Variants in SNAP47 observed in about 807,000 individuals in gnomAD.
SNAP47 encodes the protein synaptosome associated protein 47, also known as synaptosomal-associated protein 47.
A neutral mutation model predicts 31.4 loss-of-function variants in SNAP47; 20 were observed. That is an observed-to-expected ratio of 0.64 (90% confidence interval 0.45 to 0.93). The LOEUF (loss-of-function observed/expected upper bound fraction) is 0.93, where lower values mean the gene tolerates loss of function less well. Ranked by LOEUF, SNAP47 falls within the 40% of genes least tolerant of loss-of-function variation. The probability of loss-of-function intolerance (pLI) is 0.00; values close to 1 mark genes in which losing one functional copy is unlikely to be tolerated. For synonymous variants in SNAP47, 194 were observed against 213.4 expected (o/e 0.91, Z 0.79); for missense variants, 492 against 528.5 (o/e 0.93, Z 0.68).
chr1:227,756,559 C>T (rs1227891732), intron 2 of SNAP47, among the ~76,000 whole-genome samples: 1 of 152,254 alleles, frequency 6.6e-6, no homozygotes, highest in Non-Finnish European at 1.5e-5. Flanking sequence ...GCCTGTCCTT[C>T]TGCCTGCTCA....
At chr1:227,750,151 T>A (rs947009761) in intron 2 of SNAP47, among the ~76,000 whole-genome samples, 1 of 152,268 alleles carries the variant, frequency 6.6e-6, no homozygotes, top group African/African-American at 2.4e-5. Context: ...AGAGCTTTGC[T>A]GGCACAAGGC....
At chr1:227,778,789 G>A (rs1558219278) in intron 4 of SNAP47, among the ~76,000 whole-genome samples, 1 of 152,220 alleles carries the variant, frequency 6.6e-6, no homozygotes, top group Admixed American at 6.5e-5. Flanking sequence ...TCCTCCTGGA[G>A]CCACTGACCC....
At chr1:227,779,938 C>A (rs541370675) in intron 4 of SNAP47, among the ~76,000 whole-genome samples, 85 of 152,314 alleles carry the variant, frequency 5.6e-4, no homozygotes, top group African/African-American at 1.9e-3. Flanking sequence ...TCCCACACCC[C>A]CACGGTGCTG....
rs1231964095 is a variant in SNAP47 at position 227,762,933 on chromosome 1, G to T, written c.988+3448G>T. The stretch of plus-strand genomic sequence containing the variant: ...TCCCACACATCCTACCAAGGGACAT[G>T]CACAGTATTTTCTTTTTCTTTTTAT... On this transcript the variant is annotated intron_variant, in intron 3 of 4. Transcript: ENST00000617596. This position sits in a 1 kb window ranked among gnomAD's most constrained non-coding sequence, Gnocchi z 4.2. Among the ~76,000 whole-genome samples the T allele has an allele frequency of 2.0e-5, 3 of 152,158 alleles. No individual in the cohort carries two copies. Among genetic ancestry groups the T allele is most frequent in the Non-Finnish European group, 1.5e-5 (1 of 68,018 alleles).
chr1:227,732,805 G>A (rs543036374), upstream of SNAP47: 20 of 1,596,100 alleles, frequency 1.3e-5, no homozygotes, highest in South Asian at 9.0e-5. Flanking sequence ...GAAGCTGCGC[G>A]GTGACCAAGG....
At chr1:227,733,968 A>C (rs979882447), upstream of SNAP47, 3 of 1,613,728 alleles carry the variant, frequency 1.9e-6, no homozygotes, top group African/African-American at 4.0e-5. Context: ...GCATCCCAGA[A>C]CTCATTCAGC....
At chr1:227,754,521 T>C (rs148373604) in intron 2 of SNAP47, among the ~76,000 whole-genome samples, 61 of 152,230 alleles carry the variant, frequency 4.0e-4, no homozygotes, top group African/African-American at 1.5e-3. Context: ...CTCTTCCATA[T>C]CATTTAAAGG....
chr1:227,728,627 T>TC (rs1660454885), upstream of SNAP47: 1 of 89,450 alleles, frequency 1.1e-5, no homozygotes, highest in Admixed American at 1.4e-4. Flanking sequence ...ACAGGAAACC[T>TC]CCCACCTGGC....
intron 2 of SNAP47, among the ~76,000 whole-genome samples, chr1:227,752,835 G>A (rs1479521823): frequency 1.3e-5 from 2 of 151,638 alleles, no homozygotes; most frequent in Non-Finnish European, 3.0e-5. Context: ...AACCTGCAGA[G>A]TCTCAGATGG....
At chr1:227,740,880 G>T (rs531179259) in intron 1 of SNAP47, among the ~76,000 whole-genome samples, 1 of 152,100 alleles carries the variant, frequency 6.6e-6, no homozygotes, top group Non-Finnish European at 1.5e-5. Flanking sequence ...CAGGTGATAG[G>T]GGAGGAGCTG....
upstream of SNAP47, chr1:227,733,643 C>T: frequency 6.2e-7 from 1 of 1,604,162 alleles, no homozygotes; most frequent in Non-Finnish European, 8.5e-7. Flanking sequence ...ATTGACAGAC[C>T]AGCTGAAGGA....
chr1:227,757,096 C>T (rs185275956), intron 2 of SNAP47, among the ~76,000 whole-genome samples: 270 of 152,358 alleles, frequency 1.8e-3, no homozygotes, highest in Non-Finnish European at 2.9e-3. Context: ...CAGGGGCCAT[C>T]CCATTCTCAC....
intron 1 of SNAP47, among the ~76,000 whole-genome samples, chr1:227,737,837 C>T (rs1661325688): frequency 6.6e-6 from 1 of 151,636 alleles, no homozygotes; most frequent in Non-Finnish European, 1.5e-5. Context: ...TCAGTGCGTG[C>T]TATGGTCCCT....
At chr1:227,760,840 A>G (rs1663012577) in intron 3 of SNAP47, among the ~76,000 whole-genome samples, 1 of 152,222 alleles carries the variant, frequency 6.6e-6, no homozygotes. Flanking sequence ...GGCTGGCTTT[A>G]GAGGCTATAG....
chr1:227,773,739 G>A (rs1410467659), intron 4 of SNAP47, among the ~76,000 whole-genome samples: 1 of 152,216 alleles, frequency 6.6e-6, no homozygotes, highest in African/African-American at 2.4e-5. Context: ...TGGTGCTGTG[G>A]TGTGCCATGC....
intron 4 of SNAP47, among the ~76,000 whole-genome samples, chr1:227,775,425 A>G (rs1385942359): frequency 6.6e-6 from 1 of 152,048 alleles, no homozygotes; most frequent in Non-Finnish European, 1.5e-5. Context: ...AGCTAACAGC[A>G]GACTGCTCTC....
rs112212502 is a variant in SNAP47, at chr1:227,767,665, T to G, written c.1113+582T>G. Among the ~76,000 whole-genome samples the G allele has an allele frequency of 7.0e-3, 1,027 of 147,120 alleles. 2 individuals are homozygous for G. The highest frequency in any genetic ancestry group is 0.01 in the Non-Finnish European group (677 of 66,452). On this transcript the variant is annotated intron_variant, in intron 4 of 4. Transcript: ENST00000617596. The stretch of plus-strand genomic sequence containing the variant: ...ATGTGTACCTTGTGTGTACTGTGCA[T>G]GGGCATGTGTATATGTGCATGTCTT...
chr1:227,752,316 T>C (rs919100758), intron 2 of SNAP47, among the ~76,000 whole-genome samples: 9 of 152,098 alleles, frequency 5.9e-5, no homozygotes, highest in Admixed American at 6.5e-5. Context: ...AGTGTACTAT[T>C]AGTATGGAGA....
In SNAP47 at chr1:227,747,820, C is replaced by G. The variant is rs941500599; in HGVS notation, c.84C>G (p.Ser28=). Residue 28 remains serine (S), a synonymous_variant, in exon 2 of 5, where the codon TCC becomes TCG. Coordinates refer to ENST00000617596, the MANE Select transcript of SNAP47 (RefSeq NM_053052.4). ...GGCGATGGGTTACTGGACAGCTGTC[C>G]TTAACATCGCTGTCGCTCAGGTTCA... is the stretch of plus-strand genomic sequence containing the variant. The part of the protein sequence containing the change: ...PKRRWVTGQL[S]LTSLSLRFMT... 1.9e-6 allele frequency: 3 copies of G among 1,614,176 alleles called. No individual in the cohort carries two copies. Among genetic ancestry groups the G allele is most frequent in the South Asian group, 2.2e-5 (2 of 91,074 alleles).
Sources: gnomAD v4.1 joint callset for allele counts (sites outside exome capture counted in the v4.1 genomes callset) on GRCh38, gnomAD v4.1.1 for gene constraint, Gnocchi (gnomAD v3.1) non-coding constraint, MANE v1.5 for transcripts, NCBI Gene and HGNC (gene_info 2026-07-23, HGNC 2026-07-21) for gene names.